The following RDH11 variants were observed in gnomAD, a reference collection of about 807,000 sequenced individuals.
RDH11 encodes the protein retinol dehydrogenase 11.
RDH11 carries 19 observed loss-of-function variants against 33.4 expected under a neutral mutation model. The ratio of observed to expected loss-of-function variants is 0.57; its 90% CI spans 0.40 to 0.83. The LOEUF is 0.83. Among genes scored for constraint, RDH11 ranks in the 40% least tolerant of loss-of-function variants. RDH11 has a pLI of 0.00. For missense variants in RDH11, 353 were observed against 389.0 expected, an observed-to-expected ratio of 0.91 and a Z score of 0.78; for synonymous variants, 154 against 155.3, an observed-to-expected ratio of 0.99 and a Z score of 0.06.
intron 6 of RDH11, among the ~76,000 whole-genome samples, chr14:67,679,029 C>A (rs2037579194): frequency 6.6e-6 from 1 of 152,096 alleles, no homozygotes. Flanking sequence ...AACTGGGTAA[C>A]TATAATGAGC....
At chr14:67,686,931 T>C (rs2037685953) in intron 5 of RDH11, among the ~76,000 whole-genome samples, 1 of 152,172 alleles carries the variant, frequency 6.6e-6, no homozygotes, top group Non-Finnish European at 1.5e-5. Context: ...AGCTGTATTA[T>C]TCCCAACTGC....
rs745464362 is a variant in RDH11, at chr14:67,692,423, T to C, written c.349+15A>G. ...CTCAAGACCCACAACATAGTCTCTC[T>C]AGTTCTACACTTACCAGCTAAGAAG... On this transcript the variant is annotated intron_variant, in intron 3 of 6. Transcript: ENST00000381346. The C allele has an allele frequency of 8.7e-6, 14 of 1,613,658 alleles. No homozygotes were observed. The highest frequency in any genetic ancestry group is 1.3e-5 in the African/African-American group (1 of 74,894).
chr14:67,694,934 C>T (rs1186858658), intron 1 of RDH11, among the ~76,000 whole-genome samples: 1 of 152,088 alleles, frequency 6.6e-6, no homozygotes, highest in Non-Finnish European at 1.5e-5. Context: ...TTTTACAGCC[C>T]GCTGCTGATT....
chr14:67,689,366 T>C (rs1166604803), intron 5 of RDH11, among the ~76,000 whole-genome samples: 1 of 152,218 alleles, frequency 6.6e-6, no homozygotes, highest in Non-Finnish European at 1.5e-5. Context: ...TTATTAGAAA[T>C]CCAGAGTAGA....
chr14:67,694,431 AAT>A (rs144995720), intron 1 of RDH11, among the ~76,000 whole-genome samples: 232 of 139,622 alleles, frequency 1.7e-3, no homozygotes, highest in Admixed American at 4.1e-3. Flanking sequence ...CAGCTCCTGG[AAT>A]ATATATATAT....
chr14:67,688,025 G>A lies in RDH11; in HGVS notation c.664+2187C>T, dbSNP rs527962366. ...TGACCTCAGGTGATCCACCAGCCTC[G>A]GCCTCCCAAAGTGCTGGGATTACAG... is the stretch of plus-strand genomic sequence containing the variant. On this transcript the variant is annotated intron_variant, in intron 5 of 6. Transcript: ENST00000381346. Among the ~76,000 whole-genome samples, 20 of 151,728 alleles carry A rather than the reference G, an allele frequency of 1.3e-4. No homozygotes were observed. The South Asian group carries it at 2.5e-3, about 19-fold the overall frequency.
intron 5 of RDH11, among the ~76,000 whole-genome samples, chr14:67,687,469 T>C (rs924982292): frequency 8.9e-3 from 37 of 4,142 alleles, no homozygotes; most frequent in Non-Finnish European, 0.026. Context: ...CCATATTCCT[T>C]TTTTTTTTTT....
At chr14:67,690,582 G>A in intron 4 of RDH11, 161 bp from the exon 5 acceptor site, 1 of 630,612 alleles carries the variant, frequency 1.6e-6, no homozygotes, top group East Asian at 2.7e-5. Context: ...GAAGGTTTAG[G>A]GAAATAACAA....
intron 6 of RDH11, 156 bp downstream of exon 6, chr14:67,684,859 A>C (rs2037657147): frequency 5.8e-6 from 3 of 520,416 alleles, no homozygotes; most frequent in Admixed American, 3.6e-5. Context: ...ATTACAAAAG[A>C]GAGTCAAATT....
intron 6 of RDH11, among the ~76,000 whole-genome samples, chr14:67,679,969 T>TAG (rs1206705424): frequency 3.3e-5 from 5 of 152,216 alleles, no homozygotes; most frequent in African/African-American, 1.2e-4. Flanking sequence ...TAACTATATA[T>TAG]GCAAACTCTT....
Position 67,694,611 on chromosome 14 carries a change from C to G in RDH11, c.74+1019G>C, listed in dbSNP as rs569202509. ...TGAGATTCTATGTGGATAAGAGGAT[C>G]TTGTAGTGAAAAAAAGATAAAAAGC... On this transcript the variant is annotated intron_variant, in intron 1 of 6. Coordinates refer to ENST00000381346, the MANE Select transcript of RDH11 (RefSeq NM_016026.4). Among the ~76,000 whole-genome samples the G allele has an allele frequency of 1.1e-4, 16 of 150,140 alleles. No individual in the cohort carries two copies. The East Asian group carries it at 3.1e-3, about 29-fold the overall frequency.
chr14:67,687,340 G>A (rs759702149), intron 5 of RDH11, among the ~76,000 whole-genome samples: 2 of 152,100 alleles, frequency 1.3e-5, no homozygotes, highest in Non-Finnish European at 2.9e-5. Context: ...ACCAGTCTCA[G>A]CTCAGATCTT....
chr14:67,695,637 G>A lies in RDH11; in HGVS notation c.67C>T (p.Gln23Ter), dbSNP rs1211210988. 6.2e-7 allele frequency: 1 copy of A among 1,614,000 alleles called. No homozygotes were observed. The highest frequency in any genetic ancestry group is 8.5e-7 in the Non-Finnish European group (1 of 1,179,898). Residue 23 changes from glutamine to a stop codon, truncating the protein, a stop_gained, in exon 1 of 7, where the codon CAA becomes TAA. Coordinates refer to ENST00000381346, the MANE Select transcript of RDH11 (RefSeq NM_016026.4). LOFTEE classifies it high-confidence loss of function. The stretch of plus-strand genomic sequence containing the variant: ...CAATACATTTGCACAGACCTGATTT[G>A]GGGCGCAGCCATATACAGAAGGAAG... ...LPFLLYMAAP[Q>*]IRKMLSSGVC...
intron 6 of RDH11, 144 bp downstream of exon 6, chr14:67,684,871 C>A: frequency 3.7e-6 from 2 of 537,150 alleles, no homozygotes; most frequent in Non-Finnish European, 3.2e-6. Context: ...AGTCAAATTC[C>A]CCTACTAAAA....
chr14:67,678,736 A>G (rs549231384), intron 6 of RDH11, among the ~76,000 whole-genome samples: 6 of 152,236 alleles, frequency 3.9e-5, no homozygotes, highest in African/African-American at 1.2e-4. Context: ...ATGTATATCC[A>G]TCTTCTTCAA....
intron 6 of RDH11, 25 bp downstream of exon 6, chr14:67,684,990 C>T: frequency 6.3e-7 from 1 of 1,575,356 alleles, no homozygotes; most frequent in Non-Finnish European, 8.6e-7. Context: ...TAAATCTCAT[C>T]TGCAAAAAGA....
chr14:67,689,498 G>A (rs1446301096), intron 5 of RDH11, among the ~76,000 whole-genome samples: 1 of 152,096 alleles, frequency 6.6e-6, no homozygotes, highest in African/African-American at 2.4e-5. Flanking sequence ...ACCTGTTTTA[G>A]TCTACTGCCT....
rs976639603 is a variant in RDH11, at chr14:67,685,057, G to A, written c.812C>T (p.Ala271Val). 6.2e-7 allele frequency: 1 copy of A among 1,613,672 alleles called. No homozygotes were observed. The highest frequency in any genetic ancestry group is 1.3e-5 in the African/African-American group (1 of 74,880). The change falls in exon 6 of 7, where the codon GCC becomes GTC. Residue 271 changes from alanine to valine, a missense_variant. Transcript: ENST00000381346. ...TAGAATCTCAAGACCTTCTGTTAAG[G>A]CACAGTGCAGGCTGGTCTGGGCTCC... ...QQGAQTSLHCALTEGLEILSG... is the reference protein window; with the variant it reads ...QQGAQTSLHCVLTEGLEILSG...
chr14:67,678,011 T>TA lies in RDH11; in HGVS notation c.*309dup, dbSNP rs138477519. On this transcript the variant is annotated 3_prime_UTR_variant, in exon 7 of 7. Transcript: ENST00000381346. ...TGCATAAATCATCCCTGCTATAGCT[T>TA]AGATTCTCCTAGGTAGTAGTTTCTT... The TA allele has an allele frequency of 4.1e-3, 810 of 199,852 alleles. 8 individuals are homozygous for TA. Among genetic ancestry groups the TA allele is most frequent in the African/African-American group, 0.017 (719 of 42,948 alleles). 12.4% of individuals were successfully genotyped at this position (199,852 alleles called of 1,614,324 possible).
Sources: gnomAD v4.1 joint callset for allele counts (sites outside exome capture counted in the v4.1 genomes callset) on GRCh38, gnomAD v4.1.1 for gene constraint, MANE v1.5 for transcripts, NCBI Gene and HGNC (gene_info 2026-07-23, HGNC 2026-07-21) for gene names.